Variants in FRAS1 observed in about 807,000 individuals in gnomAD.
FRAS1 encodes the protein extracellular matrix organizing protein FRAS1.
FRAS1 carries 290 observed loss-of-function variants against 435.2 expected under a neutral mutation model. The ratio of observed to expected loss-of-function variants is 0.67; its 90% CI spans 0.61 to 0.73. FRAS1 has a LOEUF of 0.73. FRAS1 is among the 30% of genes least tolerant of loss of function. The pLI is 0.00. For synonymous variants in FRAS1, 1,800 were observed against 1,851.0 expected (o/e 0.97, Z 0.71); for missense variants, 4,860 against 5,001.5 (o/e 0.97, Z 0.85).
intron 49 of FRAS1, 31 bp downstream of exon 49, chr4:78,464,614 G>T: frequency 6.2e-7 from 1 of 1,610,224 alleles, no homozygotes; most frequent in Non-Finnish European, 8.5e-7. Flanking sequence ...GGGTTCTCTG[G>T]CTAAATGAGA....
intron 20 of FRAS1, among the ~76,000 whole-genome samples, chr4:78,343,251 C>T (rs1239013184): frequency 1.3e-5 from 2 of 152,188 alleles, no homozygotes; most frequent in African/African-American, 2.4e-5. Flanking sequence ...TTGAAGACCC[C>T]TTCCCTTTAT....
At chr4:78,182,061 G>A (rs907372069) in intron 2 of FRAS1, 36 of 1,506,730 alleles carry the variant, frequency 2.4e-5, no homozygotes, top group Admixed American at 9.6e-5. Context: ...GTGGCTCGGC[G>A]GCGGGTTCCT....
At chr4:78,452,055 G>C (rs539973373) in intron 46 of FRAS1, 120 bp from the exon 47 acceptor site, 2 of 1,265,534 alleles carry the variant, frequency 1.6e-6, no homozygotes, top group Non-Finnish European at 2.2e-6. Flanking sequence ...GCTCCTTGGT[G>C]TGCTCTCTAA....
intron 3 of FRAS1, among the ~76,000 whole-genome samples, chr4:78,241,609 C>T (rs1440202413): frequency 6.6e-6 from 1 of 151,960 alleles, no homozygotes; most frequent in Non-Finnish European, 1.5e-5. Flanking sequence ...GGAGTGGTTG[C>T]TGGACATTGA....
At chr4:78,378,701 C>A (rs1255827748) in intron 26 of FRAS1, among the ~76,000 whole-genome samples, 1 of 149,770 alleles carries the variant, frequency 6.7e-6, no homozygotes, top group Non-Finnish European at 1.5e-5. Context: ...AAATTCTTCA[C>A]CCATTTTAAA....
In FRAS1 at chr4:78,363,939, C is replaced by G. The variant is rs556525948; in HGVS notation, c.2607C>G (p.Gly869=). ...ACTCCTCCTGCAGAACCTGCCAGGG[C>G]AGAGGACCTTTCTCCTGCTCCTCAT... ...KCHSSCRTCQ[G]RGPFSCSSCD... Residue 869 remains glycine, a synonymous_variant, in exon 22 of 74, where the codon GGC becomes GGG. Transcript: ENST00000512123. The G allele has an allele frequency of 3.7e-6, 6 of 1,613,276 alleles. No individual in the cohort carries two copies. The East Asian group carries it at 1.1e-4, about 30-fold the overall frequency.
intron 5 of FRAS1, among the ~76,000 whole-genome samples, chr4:78,254,795 C>T (rs1337373640): frequency 6.6e-6 from 1 of 152,114 alleles, no homozygotes; most frequent in Non-Finnish European, 1.5e-5. Flanking sequence ...CTCAACCTGT[C>T]ATATTTGGCA....
chr4:78,394,124 A>T (rs1027334819), intron 29 of FRAS1, among the ~76,000 whole-genome samples: 3 of 151,780 alleles, frequency 2.0e-5, no homozygotes, highest in Admixed American at 6.6e-5. Flanking sequence ...CTCTTATGAG[A>T]TATTGGTTTT....
At chr4:78,386,770 G>C (rs1346834491) in intron 28 of FRAS1, among the ~76,000 whole-genome samples, 1 of 152,070 alleles carries the variant, frequency 6.6e-6, no homozygotes, top group Non-Finnish European at 1.5e-5. Context: ...ACAATCCTAA[G>C]AAAAAGATAT....
intron 2 of FRAS1, among the ~76,000 whole-genome samples, chr4:78,219,168 T>C (rs1455840445): frequency 6.6e-6 from 1 of 152,192 alleles, no homozygotes; most frequent in African/African-American, 2.4e-5. Context: ...GGAAGATCTA[T>C]TAATATATCA....
intron 20 of FRAS1, among the ~76,000 whole-genome samples, chr4:78,356,141 T>C (rs1351852571): frequency 1.3e-5 from 2 of 152,196 alleles, no homozygotes; most frequent in African/African-American, 2.4e-5. Flanking sequence ...TACATTTGGC[T>C]GGCCACGGGG....
chr4:78,441,155 T>C lies in FRAS1; in HGVS notation c.5530-7T>C. On this transcript the variant is annotated splice_polypyrimidine_tract_variant and splice_region_variant and intron_variant, in intron 40 of 73. Coordinates refer to ENST00000512123, the MANE Select transcript of FRAS1 (RefSeq NM_025074.7). Reference sequence around the variant, plus strand: ...CCAAGGACTCTCTATGTTCTTTTCTTTCTTAGGTTGATGAGGGAGGGAGAG... The same window carrying C: ...CCAAGGACTCTCTATGTTCTTTTCTCTCTTAGGTTGATGAGGGAGGGAGAG... The C allele has an allele frequency of 6.2e-7, 1 of 1,613,720 alleles. No individual in the cohort carries two copies. The highest frequency in any genetic ancestry group is 8.5e-7 in the Non-Finnish European group (1 of 1,179,772).
chr4:78,453,394 A>G (rs1489465876), intron 47 of FRAS1, among the ~76,000 whole-genome samples: 4 of 152,212 alleles, frequency 2.6e-5, no homozygotes, highest in Non-Finnish European at 4.4e-5. Flanking sequence ...GTAAGCATTC[A>G]ATAGACATTT....
Position 78,485,073 on chromosome 4 carries a change from A to T in FRAS1, c.8752+2538A>T, listed in dbSNP as rs934838032. Among the ~76,000 whole-genome samples the T allele has an allele frequency of 3.3e-5, 5 of 152,368 alleles. No homozygotes were observed. In the East Asian group the frequency reaches 9.6e-4, roughly 29 times the overall value. Reference sequence around the variant, plus strand: ...GTGAATACAAAGTTGAAGTCCTGAAATATAATCCTAGCCCCACCACTTCCT... The same window carrying T: ...GTGAATACAAAGTTGAAGTCCTGAATTATAATCCTAGCCCCACCACTTCCT... On this transcript the variant is annotated intron_variant, in intron 58 of 73. Transcript: ENST00000512123.
chr4:78,331,785 T>TACG (rs1391121171), intron 18 of FRAS1, among the ~76,000 whole-genome samples: 1 of 152,232 alleles, frequency 6.6e-6, no homozygotes, highest in African/African-American at 2.4e-5. Flanking sequence ...TACTTGAAGC[T>TACG]ACTTGAGGCT....
At chr4:78,278,606 C>A in intron 9 of FRAS1, 49 bp from the exon 10 acceptor site, 2 of 1,046,512 alleles carry the variant, frequency 1.9e-6, no homozygotes, top group Non-Finnish European at 3.0e-6. Context: ...AGCCCTGCTA[C>A]CTGGAGATGT....
intron 31 of FRAS1, among the ~76,000 whole-genome samples, chr4:78,411,391 C>T (rs1213814827): frequency 2.0e-5 from 3 of 152,168 alleles, no homozygotes; most frequent in Non-Finnish European, 1.5e-5. Context: ...GGATTACAGG[C>T]GTGAGCCACC....
At chr4:78,436,338 A>G (rs1331318203) in intron 38 of FRAS1, among the ~76,000 whole-genome samples, 1 of 152,204 alleles carries the variant, frequency 6.6e-6, no homozygotes, top group Non-Finnish European at 1.5e-5. Flanking sequence ...GAGGAAGACA[A>G]TGGATCCACA....
At chr4:78,109,551 C>A (rs1181461088) in intron 2 of FRAS1, among the ~76,000 whole-genome samples, 6 of 136,798 alleles carry the variant, frequency 4.4e-5, no homozygotes, top group Admixed American at 7.6e-5. Flanking sequence ...ATTCAACAAC[C>A]CTTCATGCTA....
Sources: gnomAD v4.1 joint callset for allele counts (sites outside exome capture counted in the v4.1 genomes callset) on GRCh38, gnomAD v4.1.1 for gene constraint, MANE v1.5 for transcripts, NCBI Gene and HGNC (gene_info 2026-07-23, HGNC 2026-07-21) for gene names.